SOCS4: variants seen among roughly 807,000 people sequenced by gnomAD.
SOCS4 encodes the protein SH2 domain containing SOCS box protein.
A neutral mutation model predicts 34.1 loss-of-function variants in SOCS4; 20 were observed. That is an observed-to-expected ratio of 0.59 (90% CI 0.41 to 0.85). The LOEUF (loss-of-function observed/expected upper bound fraction) is 0.85, where lower values mean the gene tolerates loss of function less well. Among genes scored for constraint, SOCS4 ranks in the 40% least tolerant of loss-of-function variants. SOCS4 has a pLI of 0.00. For missense variants in SOCS4, 479 were observed against 532.4 expected (o/e 0.90, Z 0.99); for synonymous variants, 180 against 186.4 (o/e 0.97, Z 0.28).
At chr14:55,038,124 C>T (rs983537272) in intron 2 of SOCS4, among the ~76,000 whole-genome samples, 1 of 152,164 alleles carries the variant, frequency 6.6e-6, no homozygotes, top group East Asian at 1.9e-4. Context: ...AGCAAGAGAG[C>T]TTGTGCAGGG....
chr14:55,041,005 G>T (rs531808930), intron 2 of SOCS4, among the ~76,000 whole-genome samples: 1 of 150,916 alleles, frequency 6.6e-6, no homozygotes, highest in Non-Finnish European at 1.5e-5. Flanking sequence ...GATCCTCCCA[G>T]GCTCCTGTGT....
At chr14:55,029,841 T>C (rs919534171) in intron 1 of SOCS4, among the ~76,000 whole-genome samples, 1 of 152,160 alleles carries the variant, frequency 6.6e-6, no homozygotes, top group Admixed American at 6.5e-5. Flanking sequence ...CTTGTCTGTA[T>C]GTATACTTAA....
In SOCS4 at chr14:55,036,181, G is replaced by T. The variant is rs763757895; in HGVS notation, c.-91+4190G>T. Among the ~76,000 whole-genome samples, 4 of 152,236 alleles carry T rather than the reference G, an allele frequency of 2.6e-5. No homozygotes were observed. The South Asian group carries it at 8.3e-4, about 32-fold the overall frequency. ...ATTTACTTTTTCCTTATAACTTTAT[G>T]CCTAGTTTGGGTTTTCCATGGTGAG... On this transcript the variant is annotated intron_variant, in intron 2 of 2. Transcript: ENST00000555846.
chr14:55,044,329 G>A lies in SOCS4; in HGVS notation c.1288G>A (p.Val430Ile), dbSNP rs761972659. The A allele has an allele frequency of 8.7e-6, 14 of 1,612,856 alleles. No individual in the cohort carries two copies. Among genetic ancestry groups the A allele is most frequent in the Non-Finnish European group, 1.1e-5 (13 of 1,179,416 alleles). Residue 430 changes from valine (V) to isoleucine (I), a missense_variant, in exon 3 of 3, where the codon GTA (valine) becomes ATA (isoleucine). Transcript: ENST00000555846. ...KEYHYKSKVR[V>I]LRIDAPEQQC ...ATATCATTATAAATCAAAAGTTAGA[G>A]TACTCAGGATTGATGCACCAGAACA...
At chr14:55,032,514 C>T (rs1311184937) in intron 2 of SOCS4, among the ~76,000 whole-genome samples, 1 of 151,730 alleles carries the variant, frequency 6.6e-6, no homozygotes, top group African/African-American at 2.4e-5. Context: ...TTGCTTTTTG[C>T]TCATTAAGAA....
Position 55,043,409 on chromosome 14 carries a change from A to G in SOCS4, c.368A>G (p.His123Arg), listed in dbSNP as rs146978052. 1.0e-4 allele frequency: 166 copies of G among 1,614,076 alleles called. No homozygotes were observed. Among genetic ancestry groups the G allele is most frequent in the African/African-American group, 1.7e-4 (13 of 74,934 alleles). The change falls in exon 3 of 3, where the codon CAT becomes CGT. Residue 123 changes from histidine to arginine, a missense_variant. His to Arg is a conservative substitution (Grantham distance 29, BLOSUM62 0). Coordinates refer to ENST00000555846, the MANE Select transcript of SOCS4 (RefSeq NM_199421.2). ...SSGLPSKRKI[H>R]ISELMLDKCP... ...GGGCTTCCGTCTAAAAGGAAAATTC[A>G]TATCAGTGAACTCATGTTAGATAAG...
At chr14:55,034,861 T>C (rs1312282569) in intron 2 of SOCS4, among the ~76,000 whole-genome samples, 2 of 136,310 alleles carry the variant, frequency 1.5e-5, no homozygotes, top group Admixed American at 7.4e-5. Context: ...CTCTCTCTGT[T>C]TTTTTTTTTT....
At chr14:55,041,270 A>G (rs1408648828) in intron 2 of SOCS4, among the ~76,000 whole-genome samples, 1 of 152,156 alleles carries the variant, frequency 6.6e-6, no homozygotes, top group African/African-American at 2.4e-5. Flanking sequence ...TGATATAGAT[A>G]CTTGTTTCAA....
chr14:55,037,129 A>T (rs1170469655), intron 2 of SOCS4, among the ~76,000 whole-genome samples: 1 of 148,410 alleles, frequency 6.7e-6, no homozygotes, highest in East Asian at 2.0e-4. Context: ...ATAAAAAAAA[A>T]AATTATTTTA....
chr14:55,035,157 G>A (rs934316101), intron 2 of SOCS4, among the ~76,000 whole-genome samples: 3 of 152,124 alleles, frequency 2.0e-5, no homozygotes, highest in Admixed American at 2.0e-4. Flanking sequence ...CACCGTGCCC[G>A]GCCTGCATTA....
rs2042681742 is a variant in SOCS4 at position 55,046,909 on chromosome 14, T to C, written c.*2545T>C. The stretch of plus-strand genomic sequence containing the variant: ...CCTCTGTGTCTTTGTAAGGATACAT[T>C]TGGAAGAACATACAGTATTCAGAAA... On this transcript the variant is annotated 3_prime_UTR_variant, in exon 3 of 3. Coordinates refer to ENST00000555846, the MANE Select transcript of SOCS4 (RefSeq NM_199421.2). 6.0e-6 allele frequency: 1 copy of C among 167,048 alleles called. No homozygotes were observed. Among genetic ancestry groups the C allele is most frequent in the South Asian group, 2.1e-4 (1 of 4,832 alleles). The allele number at this position is 167,048 out of a possible 1,614,324, so 10.3% of individuals were successfully genotyped here. A position where few individuals can be genotyped will look rare whatever the true frequency, so the allele number is the denominator to read the frequency against.
rs2042687768 is a variant in SOCS4, at chr14:55,047,557, C to G, written c.*3193C>G. Reference sequence around the variant, plus strand: ...AAGATTAAAGGAAGCTTTTAGTCAGCCTGTGGCTAGATTTATTGATTTGGT... The same window carrying G: ...AAGATTAAAGGAAGCTTTTAGTCAGGCTGTGGCTAGATTTATTGATTTGGT... On this transcript the variant is annotated 3_prime_UTR_variant, in exon 3 of 3. Transcript: ENST00000555846. 1 of 167,030 alleles carries G rather than the reference C, an allele frequency of 6.0e-6. No homozygotes were observed. Among genetic ancestry groups the G allele is most frequent in the Non-Finnish European group, 1.5e-5 (1 of 68,104 alleles). The allele number at this position is 167,030 out of a possible 1,614,324, so 10.3% of individuals were successfully genotyped here.
rs2042470381 is a variant in SOCS4, at chr14:55,027,352, C to T, written c.-339C>T. 1.3e-4 allele frequency: 22 copies of T among 166,882 alleles called. No homozygotes were observed. The highest frequency in any genetic ancestry group is 6.4e-4 in the South Asian group (4 of 6,286). The allele number at this position is 166,882 out of a possible 1,614,324, so 10.3% of individuals were successfully genotyped here. On this transcript the variant is annotated 5_prime_UTR_variant, in exon 1 of 3. Coordinates refer to ENST00000555846, the MANE Select transcript of SOCS4 (RefSeq NM_199421.2). ...GCAGAAAAGCATCTGCTTTGTAAGA[C>T]CTACACGAGGTGCAGGAGTGGTTGG...
At chr14:55,036,821 T>A (rs1396967167) in intron 2 of SOCS4, among the ~76,000 whole-genome samples, 1 of 152,126 alleles carries the variant, frequency 6.6e-6, no homozygotes, top group Non-Finnish European at 1.5e-5. Context: ...TTCTATTGAA[T>A]ATTTTATTTC....
At chr14:55,030,460 G>A (rs1371508572) in intron 1 of SOCS4, among the ~76,000 whole-genome samples, 1 of 152,012 alleles carries the variant, frequency 6.6e-6, no homozygotes, top group African/African-American at 2.4e-5. Context: ...GATTTCTGAG[G>A]CACGTTTTTG....
In SOCS4 at chr14:55,043,645, A is replaced by C; in HGVS notation, c.604A>C (p.Asn202His). The change falls in exon 3 of 3, where the codon AAT becomes CAT. Residue 202 changes from asparagine to histidine, a missense_variant. Transcript: ENST00000555846. ...TCAGCCCTGTGTCATAACCACCGACAATGCTTTGTGTAGAGAAGGTCCTAT... is the reference window on the plus strand; with the variant it reads ...TCAGCCCTGTGTCATAACCACCGACCATGCTTTGTGTAGAGAAGGTCCTAT... ...NVQPCVITTD[N>H]ALCREGPMTG... is the part of the protein sequence containing the mutation. 1 of 1,614,200 alleles carries C rather than the reference A, an allele frequency of 6.2e-7. No homozygotes were observed. The highest frequency in any genetic ancestry group is 8.5e-7 in the Non-Finnish European group (1 of 1,180,034).
Position 55,043,273 on chromosome 14 carries a change from T to C in SOCS4, c.232T>C (p.Leu78=). Residue 78 remains leucine (L), a synonymous_variant, in exon 3 of 3, where the codon TTA becomes CTA. Coordinates refer to ENST00000555846, the MANE Select transcript of SOCS4 (RefSeq NM_199421.2). The part of the protein sequence containing the change: ...KHSCSSIELD[L]DHSCGHRFLG... ...CAGCTGTTCATCCATTGAGTTGGAC[T>C]TAGATCATTCCTGTGGGCATCGATT... The C allele has an allele frequency of 1.9e-6, 3 of 1,614,248 alleles. No homozygotes were observed. The highest frequency in any genetic ancestry group is 2.5e-6 in the Non-Finnish European group (3 of 1,180,032).
At chr14:55,029,072 G>T (rs1244973967) in intron 1 of SOCS4, among the ~76,000 whole-genome samples, 1 of 152,060 alleles carries the variant, frequency 6.6e-6, no homozygotes, top group East Asian at 1.9e-4. Flanking sequence ...ATGTATTCTT[G>T]TTTTTGCTAG....
rs1162317669 is a variant in SOCS4 at position 55,048,640 on chromosome 14, A to G, written c.*4276A>G. On this transcript the variant is annotated 3_prime_UTR_variant, in exon 3 of 3. Coordinates refer to ENST00000555846, the MANE Select transcript of SOCS4 (RefSeq NM_199421.2). ...ACACAAAATGGAGGTAACTTTTTAAAATAGATTGGCTTGGAAGTTGAAATG... is the reference window on the plus strand; with the variant it reads ...ACACAAAATGGAGGTAACTTTTTAAGATAGATTGGCTTGGAAGTTGAAATG... 1 of 167,132 alleles carries G rather than the reference A, an allele frequency of 6.0e-6. No homozygotes were observed. The highest frequency in any genetic ancestry group is 1.5e-5 in the Non-Finnish European group (1 of 68,118). The allele number at this position is 167,132 out of a possible 1,614,324, so 10.4% of individuals were successfully genotyped here.
Sources: allele counts gnomAD v4.1 joint callset (sites outside exome capture counted in the v4.1 genomes callset), GRCh38; gene constraint gnomAD v4.1.1; transcripts MANE v1.5; gene names NCBI Gene and HGNC (gene_info 2026-07-23, HGNC 2026-07-21).